ACVR1C: variants seen among roughly 807,000 people sequenced by gnomAD.
The protein encoded by ACVR1C is activin receptor type-1C.
In ACVR1C, 23 loss-of-function variants were observed where a neutral mutation model predicts 57.9. The observed-to-expected ratio is 0.40, with a 90% CI of 0.29 to 0.56. ACVR1C has a LOEUF of 0.56. Ranked by LOEUF, ACVR1C falls within the 20% of genes least tolerant of loss-of-function variation. The probability of loss-of-function intolerance (pLI) is 0.50; values close to 1 mark genes in which losing one functional copy is unlikely to be tolerated. For missense variants in ACVR1C, 480 were observed against 607.9 expected (o/e 0.79, Z 2.21); for synonymous variants, 214 against 215.3 (o/e 0.99, Z 0.05).
rs116499466 is a variant in ACVR1C at position 157,538,407 on chromosome 2, T to C, written c.1356+166A>G. Among the ~76,000 whole-genome samples the C allele has an allele frequency of 0.013, 1,996 of 152,276 alleles. 52 individuals carry two copies. Among genetic ancestry groups the C allele is most frequent in the African/African-American group, 0.046 (1,890 of 41,538 alleles). On this transcript the variant is annotated intron_variant, in intron 8 of 8. Coordinates refer to ENST00000243349, the MANE Select transcript of ACVR1C (RefSeq NM_145259.3). ...GCTACTGTCATGTAACCTAGCATTA[T>C]GCATGCACAGCACTAAAGGGGAAAA...
At chr2:157,612,774 T>G (rs1682562287) in intron 1 of ACVR1C, among the ~76,000 whole-genome samples, 1 of 152,168 alleles carries the variant, frequency 6.6e-6, no homozygotes, top group Non-Finnish European at 1.5e-5. Flanking sequence ...ACACAACGCT[T>G]TTGGGTCCAG....
chr2:157,543,665 C>T (rs1338214241), intron 5 of ACVR1C, among the ~76,000 whole-genome samples: 2 of 152,212 alleles, frequency 1.3e-5, no homozygotes, highest in Non-Finnish European at 2.9e-5. Flanking sequence ...GTGAGAACCA[C>T]TGCCCTGTCT....
intron 2 of ACVR1C, among the ~76,000 whole-genome samples, chr2:157,580,617 T>A (rs563423090): frequency 1.3e-5 from 2 of 152,356 alleles, no homozygotes; most frequent in Non-Finnish European, 2.9e-5. Flanking sequence ...TTTTTTTCTA[T>A]TTTATGATAA....
In ACVR1C at chr2:157,550,368, G is replaced by T; in HGVS notation, c.569C>A (p.Thr190Lys). 6.2e-7 allele frequency: 1 copy of T among 1,614,050 alleles called. No individual in the cohort carries two copies. The highest frequency in any genetic ancestry group is 8.5e-7 in the Non-Finnish European group (1 of 1,179,992). Residue 190 changes from threonine (T) to lysine (K), a missense_variant, in exon 4 of 9, where the codon ACA becomes AAA. Thr to Lys is a moderately conservative substitution (Grantham distance 78). Coordinates refer to ENST00000243349, the MANE Select transcript of ACVR1C (RefSeq NM_145259.3). ...CTGAAGCACAATCGTCCTTGCAATT[G>T]TCCTTTGAACCAACAGAGGTAGACC... ...GSGLPLLVQR[T>K]IARTIVLQEI...
chr2:157,565,086 GC>G (rs1688331041), intron 2 of ACVR1C, among the ~76,000 whole-genome samples: 1 of 151,972 alleles, frequency 6.6e-6, no homozygotes, highest in African/African-American at 2.4e-5. Flanking sequence ...TAACAAACCT[GC>G]CCGTTCTGTA....
At chr2:157,599,702 T>C (rs1175580076) in intron 1 of ACVR1C, among the ~76,000 whole-genome samples, 1 of 152,248 alleles carries the variant, frequency 6.6e-6, no homozygotes, top group East Asian at 1.9e-4. Flanking sequence ...GGATCAAGAA[T>C]ACACCATACA....
At chr2:157,584,242 A>G (rs190975506) in intron 2 of ACVR1C, among the ~76,000 whole-genome samples, 17 of 151,390 alleles carry the variant, frequency 1.1e-4, no homozygotes, top group Non-Finnish European at 1.9e-4. Context: ...AGCTGGGACT[A>G]CAGGCACCCA....
Position 157,550,306 on chromosome 2 carries a change from G to T in ACVR1C, c.631C>A (p.His211Asn). The stretch of plus-strand genomic sequence containing the variant: ...ACATCTTCCCCACACCATCTTCCAT[G>T]CCACACCTCACCAAATCTACCTTTT... ...VGKGRFGEVWHGRWCGEDVAV... is the reference protein window; with the variant it reads ...VGKGRFGEVWNGRWCGEDVAV... Residue 211 changes from histidine to asparagine, a missense_variant, in exon 4 of 9, where the codon CAT becomes AAT. By Grantham distance (68) the His-to-Asn change is moderately conservative (BLOSUM62 1). Coordinates refer to ENST00000243349, the MANE Select transcript of ACVR1C (RefSeq NM_145259.3). 3 of 1,614,048 alleles carry T rather than the reference G, an allele frequency of 1.9e-6. No individual in the cohort carries two copies. Among genetic ancestry groups the T allele is most frequent in the Non-Finnish European group, 2.5e-6 (3 of 1,180,006 alleles).
chr2:157,575,018 T>C (rs758038326), intron 2 of ACVR1C, among the ~76,000 whole-genome samples: 4 of 152,178 alleles, frequency 2.6e-5, no homozygotes, highest in East Asian at 3.8e-4. Context: ...CTAGAGTATA[T>C]TGGTGCAATC....
At chr2:157,538,812 T>C in intron 7 of ACVR1C, 109 bp from the exon 8 acceptor site, 2 of 879,896 alleles carry the variant, frequency 2.3e-6, no homozygotes, top group Non-Finnish European at 3.1e-6. Flanking sequence ...CCCAGGGAAC[T>C]GGAAAGTCAA....
In ACVR1C at chr2:157,527,028, C is replaced by T. The variant is rs889379525; in HGVS notation, c.*6890G>A. ...TTAAACATTTTGGTATAAAGGCTAT[C>T]ACTGAGTTTTTAATAAATTCTAAAA... On this transcript the variant is annotated 3_prime_UTR_variant, in exon 9 of 9. Transcript: ENST00000243349. The T allele has an allele frequency of 1.3e-5, 2 of 152,052 alleles. No individual in the cohort carries two copies. Among genetic ancestry groups the T allele is most frequent in the Non-Finnish European group, 2.9e-5 (2 of 67,998 alleles). The allele number at this position is 152,052 out of a possible 1,614,324, so 9.4% of individuals were successfully genotyped here. A position where few individuals can be genotyped will look rare whatever the true frequency, so the allele number is the denominator to read the frequency against.
At chr2:157,558,301 T>A (rs1398748078) in intron 2 of ACVR1C, among the ~76,000 whole-genome samples, 2 of 152,250 alleles carry the variant, frequency 1.3e-5, no homozygotes, top group African/African-American at 4.8e-5. Context: ...ATTGCAATGA[T>A]AACGGGCCTT....
At chr2:157,596,727 C>A (rs1331098124) in intron 1 of ACVR1C, among the ~76,000 whole-genome samples, 1 of 152,140 alleles carries the variant, frequency 6.6e-6, no homozygotes, top group African/African-American at 2.4e-5. Flanking sequence ...ATCTCCTTGA[C>A]AGTAGTAAAT....
chr2:157,583,157 A>C (rs1688831814), intron 2 of ACVR1C, among the ~76,000 whole-genome samples: 1 of 152,200 alleles, frequency 6.6e-6, no homozygotes, highest in Admixed American at 6.5e-5. Context: ...CACTGCACCC[A>C]GCCTATAAGT....
At chr2:157,611,043 A>G (rs950015281) in intron 1 of ACVR1C, among the ~76,000 whole-genome samples, 1 of 151,884 alleles carries the variant, frequency 6.6e-6, no homozygotes, top group Non-Finnish European at 1.5e-5. Flanking sequence ...TTTGATTGGG[A>G]TATGTTGCTA....
chr2:157,596,164 A>G (rs1441344709), intron 1 of ACVR1C, among the ~76,000 whole-genome samples: 1 of 152,232 alleles, frequency 6.6e-6, no homozygotes, highest in Non-Finnish European at 1.5e-5. Context: ...TCTTGGATGA[A>G]TTTTAAAGTT....
At chr2:157,544,318 T>C in intron 5 of ACVR1C, 127 bp downstream of exon 5, 1 of 900,242 alleles carries the variant, frequency 1.1e-6, no homozygotes, top group East Asian at 3.1e-5. Flanking sequence ...ATGCTGGGAT[T>C]ATGGGTATAA....
intron 1 of ACVR1C, among the ~76,000 whole-genome samples, chr2:157,601,576 C>T (rs1209601903): frequency 6.6e-6 from 1 of 152,182 alleles, no homozygotes; most frequent in Non-Finnish European, 1.5e-5. Flanking sequence ...AGTCTTGCTG[C>T]TTCTTTGATA....
intron 3 of ACVR1C, among the ~76,000 whole-genome samples, chr2:157,552,473 C>G (rs1687946255): frequency 6.6e-6 from 1 of 152,146 alleles, no homozygotes; most frequent in Non-Finnish European, 1.5e-5. Context: ...TACTACTTGA[C>G]CACACACTAA....
Sources: gnomAD v4.1 joint callset for allele counts (sites outside exome capture counted in the v4.1 genomes callset) on GRCh38, gnomAD v4.1.1 for gene constraint, MANE v1.5 for transcripts, NCBI Gene and HGNC (gene_info 2026-07-23, HGNC 2026-07-21) for gene names.